ZPBP: variants seen among roughly 807,000 people sequenced by gnomAD.
ZPBP encodes zona pellucida-binding protein 1.
A neutral mutation model predicts 44.8 loss-of-function variants in ZPBP; 26 were observed. The ratio of observed to expected loss-of-function variants is 0.58; its 90% confidence interval spans 0.43 to 0.81. The LOEUF (loss-of-function observed/expected upper bound fraction) is 0.81. Among genes scored for constraint, ZPBP ranks in the 30% least tolerant of loss-of-function variants. The pLI, the probability that ZPBP is intolerant of heterozygous loss-of-function variation, is 0.00. For synonymous variants in ZPBP, 174 were observed against 153.2 expected (o/e 1.14, Z -1.00); for missense variants, 409 against 434.0 (o/e 0.94, Z 0.51).
At chr7:50,015,422 A>C (rs1798778286) in intron 6 of ZPBP, among the ~76,000 whole-genome samples, 1 of 152,124 alleles carries the variant, frequency 6.6e-6, no homozygotes, top group Non-Finnish European at 1.5e-5. Context: ...AAATCAACTC[A>C]CGATGGATTA....
intron 7 of ZPBP, among the ~76,000 whole-genome samples, chr7:49,982,440 G>C (rs956856543): frequency 2.1e-5 from 3 of 144,134 alleles, no homozygotes; most frequent in Non-Finnish European, 4.5e-5. Context: ...TGTTTAATTT[G>C]TATTCTATTT....
intron 7 of ZPBP, among the ~76,000 whole-genome samples, chr7:49,944,893 G>C (rs1272660261): frequency 6.6e-6 from 1 of 150,896 alleles, no homozygotes; most frequent in Admixed American, 6.6e-5. Context: ...ACTAATTTGG[G>C]GTTTGGTTTG....
At chr7:50,055,780 C>G (rs1477515367) in intron 4 of ZPBP, among the ~76,000 whole-genome samples, 2 of 152,094 alleles carry the variant, frequency 1.3e-5, no homozygotes, top group Admixed American at 1.3e-4. Context: ...TATTAGCTAT[C>G]ATTATCATTA....
chr7:49,847,212 TTATAA>T (rs200959078), downstream of ZPBP, among the ~76,000 whole-genome samples: 118 of 149,008 alleles, frequency 7.9e-4, 1 homozygote, highest in African/African-American at 2.6e-3. Flanking sequence ...TGTGAACCTA[TTATAA>T]TATAATATAA....
At position 49,861,371 on chromosome 7, in the gene ZPBP, T is replaced by C. The variant is rs1790648230; in HGVS notation, n.510-10857A>G. Among the ~76,000 whole-genome samples, 3 of 152,328 alleles carry C rather than the reference T, an allele frequency of 2.0e-5. No individual in the cohort carries two copies. The South Asian group carries it at 6.2e-4, about 32-fold the overall frequency. The stretch of plus-strand genomic sequence containing the variant: ...TTTTTGTTGTTGAGGTTTAAGACTT[T>C]TTTATATTTTGAATATTAAGCCCTT... On this transcript the variant is annotated intron_variant and non_coding_transcript_variant, in intron 2 of 2. Coordinates refer to the ZPBP transcript ENST00000465922.
chr7:50,048,477 C>T (rs1800502459), intron 4 of ZPBP, among the ~76,000 whole-genome samples: 1 of 151,940 alleles, frequency 6.6e-6, no homozygotes, highest in African/African-American at 2.4e-5. Context: ...AAGCCATAAA[C>T]CTTTGAAATA....
intron 6 of ZPBP, among the ~76,000 whole-genome samples, chr7:50,008,836 C>CAGT (rs1798431735): frequency 6.6e-6 from 1 of 152,048 alleles, no homozygotes; most frequent in Non-Finnish European, 1.5e-5. Context: ...TTATTAAGCA[C>CAGT]AGTACTGGAT....
At chr7:49,891,125 CTT>C (rs1792108479) in intron 2 of ZPBP, among the ~76,000 whole-genome samples, 1 of 152,136 alleles carries the variant, frequency 6.6e-6, no homozygotes, top group Non-Finnish European at 1.5e-5. Context: ...TCAAGGGACA[CTT>C]TAACTGCAGG....
chr7:49,854,397 T>C (rs1005176203), intron 2 of ZPBP, among the ~76,000 whole-genome samples: 33 of 152,248 alleles, frequency 2.2e-4, no homozygotes, highest in African/African-American at 7.9e-4. Context: ...TTTTTAATGA[T>C]CGCTATTCTA....
At chr7:49,981,653 G>T (rs1341643518) in intron 7 of ZPBP, among the ~76,000 whole-genome samples, 617 of 39,592 alleles carry the variant, frequency 0.016, 147 homozygotes, top group African/African-American at 0.025. Flanking sequence ...ATAATATCTT[G>T]ATATAAAATA....
At chr7:49,979,237 C>T (rs180719598) in intron 7 of ZPBP, among the ~76,000 whole-genome samples, 1 of 151,734 alleles carries the variant, frequency 6.6e-6, no homozygotes, top group Admixed American at 6.6e-5. Flanking sequence ...TTACATTGAA[C>T]CCTTGTGATC....
chr7:49,853,116 A>G (rs1475754289), intron 2 of ZPBP, among the ~76,000 whole-genome samples: 2 of 152,316 alleles, frequency 1.3e-5, no homozygotes, highest in Middle Eastern at 3.4e-3. Context: ...CTCCCAGGCT[A>G]TGGGGCAGGG....
At chr7:49,901,984 A>T (rs1275364079) in intron 1 of ZPBP, among the ~76,000 whole-genome samples, 1 of 146,720 alleles carries the variant, frequency 6.8e-6, no homozygotes, top group Non-Finnish European at 1.5e-5. Context: ...GAGCATCCAC[A>T]TGTGAAAAAA....
At chr7:49,890,862 T>C (rs1216371987) in intron 2 of ZPBP, among the ~76,000 whole-genome samples, 1 of 152,074 alleles carries the variant, frequency 6.6e-6, no homozygotes, top group Non-Finnish European at 1.5e-5. Context: ...TTAAGATTTG[T>C]ATTTAAGGAT....
chr7:50,010,923 A>C (rs1327436638), intron 6 of ZPBP, among the ~76,000 whole-genome samples: 4 of 151,154 alleles, frequency 2.6e-5, no homozygotes, highest in African/African-American at 4.8e-5. Context: ...AAAAAAAAAA[A>C]AAAAACAAAT....
chr7:50,082,520 C>T (rs1003537337), intron 2 of ZPBP, among the ~76,000 whole-genome samples: 13 of 151,750 alleles, frequency 8.6e-5, no homozygotes, highest in Non-Finnish European at 3.0e-5. Flanking sequence ...TTTAAGTTTA[C>T]TCATAAGTAA....
chr7:50,022,215 T>G (rs73115297), intron 5 of ZPBP, among the ~76,000 whole-genome samples: 347 of 151,966 alleles, frequency 2.3e-3, no homozygotes, highest in Non-Finnish European at 4.3e-3. Context: ...TACACAGGAG[T>G]ACATCTAGGT....
chr7:49,883,693 C>T (rs1289928266), intron 2 of ZPBP, among the ~76,000 whole-genome samples: 1 of 152,172 alleles, frequency 6.6e-6, no homozygotes, highest in Non-Finnish European at 1.5e-5. Flanking sequence ...CCGATAGCTG[C>T]ACTTCCTCAA....
At chr7:49,942,890 C>T (rs75827574) in intron 7 of ZPBP, 4,757 of 165,784 alleles carry the variant, frequency 0.029, 223 homozygotes, top group African/African-American at 0.11. Flanking sequence ...AGTGACTATT[C>T]TCTTCTTTTT....
Sources: allele counts gnomAD v4.1 joint callset (sites outside exome capture counted in the v4.1 genomes callset), GRCh38; gene constraint gnomAD v4.1.1; transcripts MANE v1.5; gene names NCBI Gene and HGNC (gene_info 2026-07-23, HGNC 2026-07-21).